COL5A2: variants seen among roughly 807,000 people sequenced by gnomAD.
The protein encoded by COL5A2 is collagen alpha-2(V) chain.
In COL5A2, 23 loss-of-function variants were observed where a neutral mutation model predicts 208.2. The ratio of observed to expected loss-of-function variants is 0.11; its 90% CI spans 0.08 to 0.16. COL5A2 has a LOEUF of 0.16. Ranked by LOEUF, COL5A2 falls within the 10% of genes least tolerant of loss-of-function variation. COL5A2 has a pLI of 1.00. For missense variants in COL5A2, 1,590 were observed against 1,956.4 expected, an observed-to-expected ratio of 0.81 and a Z score of 3.53; for synonymous variants, 625 against 628.5, an observed-to-expected ratio of 0.99 and a Z score of 0.08.
chr2:189,049,486 T>G (rs1466991444), intron 43 of COL5A2, 32 bp from the exon 44 acceptor site: 2 of 1,523,320 alleles, frequency 1.3e-6, no homozygotes, highest in Admixed American at 3.5e-5. Flanking sequence ...CAAACACTTG[T>G]GAAGAAATTG....
chr2:189,264,833 G>A, the COL5A2 span, among the ~76,000 whole-genome samples: 1 of 152,174 alleles, frequency 6.6e-6, no homozygotes, highest in Non-Finnish European at 1.5e-5. Flanking sequence ...TCAGAGTACT[G>A]AGGAAAAATA....
At chr2:189,431,848 AC>A in the COL5A2 span, among the ~76,000 whole-genome samples, 4 of 152,090 alleles carry the variant, frequency 2.6e-5, no homozygotes, top group Non-Finnish European at 5.9e-5. Context: ...TATAGAGAAC[AC>A]CACAAAGATA....
intron 48 of COL5A2, 66 bp downstream of exon 48, chr2:189,043,085 G>A: frequency 8.8e-7 from 1 of 1,136,660 alleles, no homozygotes; most frequent in Non-Finnish European, 1.3e-6. Context: ...ACAGATAAAT[G>A]TTCGTGTCAA....
intron 30 of COL5A2, 60 bp from the exon 31 acceptor site, chr2:189,060,843 G>GT (rs1686014896): frequency 8.0e-7 from 1 of 1,250,668 alleles, no homozygotes; most frequent in Non-Finnish European, 1.2e-6. Flanking sequence ...GGCTACCAGT[G>GT]TTAACAGTTT....
At chr2:189,325,742 T>G in the COL5A2 span, among the ~76,000 whole-genome samples, 1 of 152,138 alleles carries the variant, frequency 6.6e-6, no homozygotes, top group Non-Finnish European at 1.5e-5. Context: ...ATTCAGAAAG[T>G]TCCAGAACTA....
the COL5A2 span, among the ~76,000 whole-genome samples, chr2:189,304,358 T>A: frequency 6.6e-6 from 1 of 152,204 alleles, no homozygotes; most frequent in African/African-American, 2.4e-5. Flanking sequence ...AATAGTTGTA[T>A]TAGTCTGTTC....
At chr2:189,211,366 A>T (rs141889031) in intron 1 of COL5A2, among the ~76,000 whole-genome samples, 2 of 152,326 alleles carry the variant, frequency 1.3e-5, no homozygotes, top group Admixed American at 1.3e-4. Flanking sequence ...TAATCAAAAC[A>T]CATATTTTAA....
At chr2:189,079,889 G>C in intron 14 of COL5A2, 89 bp downstream of exon 14, 1 of 1,098,222 alleles carries the variant, frequency 9.1e-7, no homozygotes, top group Non-Finnish European at 1.4e-6. Context: ...CTCTCCTGCT[G>C]AATTAAGGTG....
chr2:189,438,368 T>A, the COL5A2 span, among the ~76,000 whole-genome samples: 2 of 152,208 alleles, frequency 1.3e-5, no homozygotes, highest in African/African-American at 4.8e-5. Flanking sequence ...CTGGTATTTA[T>A]CCTAGAAAAA....
chr2:189,402,768 C>G, the COL5A2 span, among the ~76,000 whole-genome samples: 1 of 148,494 alleles, frequency 6.7e-6, no homozygotes, highest in Non-Finnish European at 1.5e-5. Flanking sequence ...GTTCTTGTAG[C>G]AGTACCATGC....
At chr2:189,240,594 C>T in the COL5A2 span, among the ~76,000 whole-genome samples, 1 of 152,160 alleles carries the variant, frequency 6.6e-6, no homozygotes, top group African/African-American at 2.4e-5. Context: ...AGGGATGATG[C>T]TGTCAGTGTT....
intron 52 of COL5A2, among the ~76,000 whole-genome samples, chr2:189,035,364 T>C (rs1685423982): frequency 6.6e-6 from 1 of 152,100 alleles, no homozygotes; most frequent in South Asian, 2.1e-4. Context: ...CTGTCCTTAT[T>C]AACCCAAAGG....
chr2:189,251,996 A>C, the COL5A2 span, among the ~76,000 whole-genome samples: 15 of 152,218 alleles, frequency 9.9e-5, no homozygotes, highest in Non-Finnish European at 2.1e-4. Flanking sequence ...ATGCAGCCAA[A>C]AGACACATGA....
chr2:189,035,887 T>C (rs1685434595), intron 52 of COL5A2, among the ~76,000 whole-genome samples: 7 of 152,062 alleles, frequency 4.6e-5, no homozygotes, highest in Admixed American at 4.6e-4. Flanking sequence ...ATATTCACAT[T>C]GCAACAGGCA....
the COL5A2 span, among the ~76,000 whole-genome samples, chr2:189,273,892 G>A: frequency 6.6e-6 from 1 of 151,972 alleles, no homozygotes; most frequent in East Asian, 1.9e-4. Context: ...CACAAAATTT[G>A]ACTTAGGGAG....
chr2:189,078,431 T>C (rs751603207), intron 16 of COL5A2, 85 bp downstream of exon 16: 1 of 1,118,006 alleles, frequency 8.9e-7, no homozygotes. Context: ...ATTACTTTCA[T>C]TTAAAAGGCA....
rs114102476 is a variant in COL5A2, at chr2:189,179,638, G to A, written c.-34C>T. 1.6e-3 allele frequency: 2,588 copies of A among 1,575,712 alleles called. 31 individuals carry two copies. The African/African-American group carries it at 0.026, about 16-fold the overall frequency. Reference sequence around the variant, plus strand: ...ATTAGACATGTGGGTTCTCCTGAGAGTGAAAAGTAGATTCTGAGGTTATTG... The same window carrying A: ...ATTAGACATGTGGGTTCTCCTGAGAATGAAAAGTAGATTCTGAGGTTATTG... On this transcript the variant is annotated 5_prime_UTR_variant, in exon 1 of 54. Coordinates refer to ENST00000374866, the MANE Select transcript of COL5A2 (RefSeq NM_000393.5).
intron 44 of COL5A2, among the ~76,000 whole-genome samples, chr2:189,048,933 A>G (rs1685725372): frequency 6.6e-6 from 1 of 152,210 alleles, no homozygotes; most frequent in Non-Finnish European, 1.5e-5. Flanking sequence ...ATTTAAGTAA[A>G]ATGATCTCTA....
At chr2:189,334,969 T>C in the COL5A2 span, among the ~76,000 whole-genome samples, 1 of 151,976 alleles carries the variant, frequency 6.6e-6, no homozygotes. Flanking sequence ...GATAATTTAA[T>C]AGGGGAAATT....
Sources: gnomAD v4.1 joint callset for allele counts (sites outside exome capture counted in the v4.1 genomes callset) on GRCh38, gnomAD v4.1.1 for gene constraint, MANE v1.5 for transcripts, NCBI Gene and HGNC (gene_info 2026-07-23, HGNC 2026-07-21) for gene names.